Variants in SLCO5A1 observed in about 807,000 individuals in gnomAD.
SLCO5A1 encodes solute carrier organic anion transporter family member 5A1.
In SLCO5A1, 39 loss-of-function variants were observed where a neutral mutation model predicts 65.1. That is an observed-to-expected ratio of 0.60 (90% confidence interval 0.46 to 0.78). The LOEUF (loss-of-function observed/expected upper bound fraction) is 0.78. Among genes scored for constraint, SLCO5A1 ranks in the 30% least tolerant of loss-of-function variants. SLCO5A1 has a pLI of 0.00. For missense variants in SLCO5A1, 1,029 were observed against 1,069.4 expected (o/e 0.96, Z 0.53); for synonymous variants, 438 against 415.7 (o/e 1.05, Z -0.65).
intron 5 of SLCO5A1, among the ~76,000 whole-genome samples, chr8:69,726,032 G>T (rs1189128466): frequency 2.0e-5 from 3 of 152,190 alleles, no homozygotes; most frequent in African/African-American, 7.2e-5. Context: ...TGTCCTCAGA[G>T]CCCAGAATAT....
intron 2 of SLCO5A1, among the ~76,000 whole-genome samples, chr8:69,814,841 C>A (rs1173810929): frequency 6.6e-6 from 1 of 152,116 alleles, no homozygotes; most frequent in Non-Finnish European, 1.5e-5. Flanking sequence ...GAAATTCTGT[C>A]ATTTTTGACA....
At position 69,831,924 on chromosome 8, in the gene SLCO5A1, G is replaced by C. The variant is rs758963564; in HGVS notation, c.750C>G (p.Ala250=). Residue 250 remains alanine (A), a synonymous_variant, in exon 2 of 10, where the codon GCC becomes GCG. Transcript: ENST00000260126. ...TATTTCCTCCCGAGTCCTTCGGACA[G>C]GCCGGAGGCTCCAAAGTGGCGGTGG... ...GNSTATLEPP[A]CPKDSGGNNH... 2.5e-6 allele frequency: 4 copies of C among 1,602,922 alleles called. No individual in the cohort carries two copies. The highest frequency in any genetic ancestry group is 3.4e-6 in the Non-Finnish European group (4 of 1,175,954).
At chr8:69,736,488 G>T (rs1256000601) in intron 5 of SLCO5A1, among the ~76,000 whole-genome samples, 1 of 152,194 alleles carries the variant, frequency 6.6e-6, no homozygotes, top group Non-Finnish European at 1.5e-5. Context: ...GGATGATCTA[G>T]GCAGCTCTGC....
intron 2 of SLCO5A1, among the ~76,000 whole-genome samples, chr8:69,788,414 C>T (rs1819129230): frequency 6.6e-6 from 1 of 152,216 alleles, no homozygotes; most frequent in Non-Finnish European, 1.5e-5. Context: ...AGCCCACAGT[C>T]TCCATATGCA....
At chr8:69,759,999 A>G (rs751699911) in intron 3 of SLCO5A1, among the ~76,000 whole-genome samples, 2 of 152,294 alleles carry the variant, frequency 1.3e-5, no homozygotes, top group East Asian at 3.9e-4. Context: ...AAAACAGTTC[A>G]AAAGATGGCA....
intron 2 of SLCO5A1, among the ~76,000 whole-genome samples, chr8:69,784,026 C>A (rs1302616053): frequency 6.6e-6 from 1 of 152,080 alleles, no homozygotes. Context: ...ATCTTTGTAC[C>A]TTTCTCTCAA....
chr8:69,826,815 G>T (rs1485013503), intron 2 of SLCO5A1, among the ~76,000 whole-genome samples: 1 of 151,974 alleles, frequency 6.6e-6, no homozygotes, highest in Non-Finnish European at 1.5e-5. Context: ...CCAAAGGACT[G>T]TAAATCATGC....
intron 2 of SLCO5A1, among the ~76,000 whole-genome samples, chr8:69,763,614 CAAAAAAAAAAAAAAAAAAAAAAAA>C (rs770191440): frequency 1.5e-4 from 2 of 13,160 alleles, no homozygotes; most frequent in Admixed American, 3.4e-3. Flanking sequence ...AGCAAGACTC[CAAAAAAAAAAAAAAAAAAAAAAAA>C]AAAAAAAAAA....
intron 4 of SLCO5A1, among the ~76,000 whole-genome samples, chr8:69,747,031 A>C (rs535890573): frequency 6.6e-6 from 1 of 152,254 alleles, no homozygotes; most frequent in Admixed American, 6.5e-5. Flanking sequence ...CAGCCTGTGG[A>C]CATTATTCAA....
intron 2 of SLCO5A1, among the ~76,000 whole-genome samples, chr8:69,809,665 A>G (rs905400072): frequency 2.6e-5 from 4 of 151,888 alleles, no homozygotes; most frequent in Non-Finnish European, 4.4e-5. Flanking sequence ...TATTATTATT[A>G]TGATTATGAT....
intron 3 of SLCO5A1, among the ~76,000 whole-genome samples, chr8:69,758,274 C>T (rs1386957251): frequency 6.6e-6 from 1 of 152,084 alleles, no homozygotes; most frequent in Non-Finnish European, 1.5e-5. Flanking sequence ...GCAGCCTTGA[C>T]CTCCCGAGCT....
chr8:69,744,971 G>A (rs913385991), intron 4 of SLCO5A1, among the ~76,000 whole-genome samples: 1 of 152,094 alleles, frequency 6.6e-6, no homozygotes, highest in African/African-American at 2.4e-5. Context: ...CATTAAAGAA[G>A]AATTAAAATA....
intron 6 of SLCO5A1, among the ~76,000 whole-genome samples, chr8:69,692,437 G>A (rs550131668): frequency 1.3e-5 from 2 of 152,194 alleles, no homozygotes; most frequent in East Asian, 1.9e-4. Context: ...CTTAGGCTAC[G>A]CTAAATCCAT....
At chr8:69,707,580 T>A (rs183071587) in intron 5 of SLCO5A1, among the ~76,000 whole-genome samples, 1 of 152,170 alleles carries the variant, frequency 6.6e-6, no homozygotes, top group African/African-American at 2.4e-5. Flanking sequence ...GTATTTCTGA[T>A]AATGGAGGGC....
intron 2 of SLCO5A1, among the ~76,000 whole-genome samples, chr8:69,802,847 C>T (rs1245346068): frequency 6.6e-6 from 1 of 152,204 alleles, no homozygotes; most frequent in Non-Finnish European, 1.5e-5. Flanking sequence ...ACAAACATTA[C>T]ATGATATATG....
chr8:69,784,553 C>T (rs527315379), intron 2 of SLCO5A1, among the ~76,000 whole-genome samples: 36 of 152,034 alleles, frequency 2.4e-4, no homozygotes, highest in East Asian at 1.4e-3. Context: ...TTTCGGAGGC[C>T]GAGGCGGGTG....
At chr8:69,701,002 A>G (rs1215029378) in intron 6 of SLCO5A1, among the ~76,000 whole-genome samples, 2 of 152,210 alleles carry the variant, frequency 1.3e-5, no homozygotes, top group African/African-American at 2.4e-5. Context: ...AGAGAGGCAC[A>G]GGAATTCTCA....
rs542914638 is a variant in SLCO5A1 at position 69,742,990 on chromosome 8, C to T, written c.1259-4786G>A. Among the ~76,000 whole-genome samples, 208 of 151,828 alleles carry T rather than the reference C, an allele frequency of 1.4e-3. 1 individual carries two copies. Among genetic ancestry groups the T allele is most frequent in the African/African-American group, 4.9e-3 (204 of 41,426 alleles). Reference sequence around the variant, plus strand: ...TAATGTTTTATATTTTTAGTAGAGACGGAGTTTCACCATGTTAGCCAGGAT... The same window carrying T: ...TAATGTTTTATATTTTTAGTAGAGATGGAGTTTCACCATGTTAGCCAGGAT... On this transcript the variant is annotated intron_variant, in intron 4 of 9. Transcript: ENST00000260126.
chr8:69,761,589 C>A, intron 3 of SLCO5A1, 154 bp downstream of exon 3: 1 of 715,360 alleles, frequency 1.4e-6, no homozygotes, highest in Non-Finnish European at 2.3e-6. Flanking sequence ...ACGTAGCTTT[C>A]TTTGGGATGT....
Sources: gnomAD v4.1 joint callset for allele counts (sites outside exome capture counted in the v4.1 genomes callset) on GRCh38, gnomAD v4.1.1 for gene constraint, MANE v1.5 for transcripts, NCBI Gene and HGNC (gene_info 2026-07-23, HGNC 2026-07-21) for gene names.